The following QKI variants were observed in gnomAD, a reference collection of about 807,000 sequenced individuals.
QKI encodes the protein KH domain-containing RNA-binding protein QKI.
Under a neutral mutation model 39.0 loss-of-function variants are expected in QKI, and 10 were observed. That is an observed-to-expected ratio of 0.26 (90% CI 0.16 to 0.43). QKI has a LOEUF of 0.43. Among genes scored for constraint, QKI ranks in the 20% least tolerant of loss-of-function variants. The pLI is 1.00. For missense variants in QKI, 218 were observed against 428.0 expected (o/e 0.51, Z 4.33); for synonymous variants, 204 against 155.4 (o/e 1.31, Z -2.33).
intron 4 of QKI, among the ~76,000 whole-genome samples, chr6:163,553,522 A>G (rs57318320): frequency 0.02 from 3,077 of 152,034 alleles, 104 homozygotes; most frequent in African/African-American, 0.07. Flanking sequence ...TAAAATAACA[A>G]TCAACTTTGG....
intron 3 of QKI, among the ~76,000 whole-genome samples, chr6:163,480,980 G>A (rs140569877): frequency 4.5e-4 from 69 of 152,232 alleles, no homozygotes; most frequent in African/African-American, 1.6e-3. Context: ...ACTGTTTCAA[G>A]CCCTCACAGA....
intron 6 of QKI, chr6:163,564,006 A>AT (rs1176076818): frequency 1.6e-6 from 2 of 1,230,428 alleles, no homozygotes; most frequent in African/African-American, 3.1e-5. Context: ...TACTGAGGTC[A>AT]TTCTGAGTTT....
At chr6:163,551,875 A>G (rs1782253823) in intron 4 of QKI, among the ~76,000 whole-genome samples, 1 of 152,244 alleles carries the variant, frequency 6.6e-6, no homozygotes, top group Non-Finnish European at 1.5e-5. Flanking sequence ...TAATACTCAC[A>G]GTTAACTCCC....
intron 3 of QKI, among the ~76,000 whole-genome samples, chr6:163,517,017 A>G (rs1022677253): frequency 3.3e-5 from 5 of 151,760 alleles, no homozygotes; most frequent in Admixed American, 3.3e-4. Context: ...ACAAGTTTCA[A>G]CCAGAGAAGC....
chr6:163,415,421 G>T, intron 1 of QKI, 86 bp downstream of exon 1: 2 of 1,393,056 alleles, frequency 1.4e-6, no homozygotes, highest in East Asian at 2.6e-5. Context: ...AGGGCGGGAA[G>T]GTCACGGCCG....
intron 3 of QKI, among the ~76,000 whole-genome samples, chr6:163,483,540 A>G (rs2128226649): frequency 6.6e-6 from 1 of 152,324 alleles, no homozygotes; most frequent in South Asian, 2.1e-4. Flanking sequence ...CACTACAAAT[A>G]CATTTCATCT....
At chr6:163,420,162 T>G (rs1014746657) in intron 1 of QKI, among the ~76,000 whole-genome samples, 1 of 150,556 alleles carries the variant, frequency 6.6e-6, no homozygotes, top group Non-Finnish European at 1.5e-5. Context: ...TTCTTTTTTT[T>G]TTTTTTTTTT....
At chr6:163,560,985 AG>A (rs1443856745) in intron 4 of QKI, among the ~76,000 whole-genome samples, 4 of 152,228 alleles carry the variant, frequency 2.6e-5, no homozygotes, top group African/African-American at 9.6e-5. Context: ...GGTTATTATT[AG>A]TGCCCATTTT....
chr6:163,428,891 A>G (rs1406614520), intron 1 of QKI: 1 of 152,206 alleles, frequency 6.6e-6, no homozygotes, highest in Non-Finnish European at 1.5e-5. Flanking sequence ...CCACCTTTGT[A>G]ACTGATAATA....
intron 1 of QKI, among the ~76,000 whole-genome samples, chr6:163,440,816 T>C (rs1388717271): frequency 2.0e-5 from 3 of 152,106 alleles, no homozygotes; most frequent in Admixed American, 6.5e-5. Flanking sequence ...GTAAAATACA[T>C]AGTTGTTGAA....
intron 2 of QKI, among the ~76,000 whole-genome samples, chr6:163,474,807 A>T (rs866589986): frequency 1.5e-4 from 22 of 149,152 alleles, no homozygotes; most frequent in African/African-American, 4.7e-4. Context: ...AAAAAAAAAA[A>T]GCCAGGCATG....
At chr6:163,466,498 A>T (rs1157690576) in intron 2 of QKI, among the ~76,000 whole-genome samples, 2 of 152,222 alleles carry the variant, frequency 1.3e-5, no homozygotes, top group African/African-American at 4.8e-5. Context: ...AATTATATTA[A>T]AACAATTTGC....
chr6:163,435,197 G>T (rs1789162249), intron 1 of QKI, among the ~76,000 whole-genome samples: 1 of 152,206 alleles, frequency 6.6e-6, no homozygotes, highest in Non-Finnish European at 1.5e-5. Flanking sequence ...TTACGCAATT[G>T]TTACAGGTTT....
chr6:163,550,320 C>T (rs1394455776), intron 4 of QKI, among the ~76,000 whole-genome samples: 1 of 152,116 alleles, frequency 6.6e-6, no homozygotes, highest in African/African-American at 2.4e-5. Flanking sequence ...CAGTTCTCTT[C>T]CTGTAATAAT....
chr6:163,485,974 T>G (rs966814552), intron 3 of QKI, among the ~76,000 whole-genome samples: 3 of 152,204 alleles, frequency 2.0e-5, no homozygotes, highest in Admixed American at 2.0e-4. Flanking sequence ...TAAGAAAGTT[T>G]ATGAATTTGT....
intron 1 of QKI, among the ~76,000 whole-genome samples, chr6:163,417,111 G>C (rs1390962443): frequency 6.6e-6 from 1 of 152,122 alleles, no homozygotes; most frequent in African/African-American, 2.4e-5. Context: ...TTTATATAGT[G>C]TTTTCGAACA....
intron 4 of QKI, among the ~76,000 whole-genome samples, chr6:163,536,159 G>A (rs1262142643): frequency 6.6e-6 from 1 of 151,180 alleles, no homozygotes; most frequent in African/African-American, 2.4e-5. Context: ...AAATTCTGTT[G>A]GTAGATTTTA....
intron 3 of QKI, among the ~76,000 whole-genome samples, chr6:163,492,215 T>A (rs959119015): frequency 5.3e-5 from 8 of 152,226 alleles, no homozygotes; most frequent in Non-Finnish European, 8.8e-5. Context: ...CAACAAATTA[T>A]TAGGCCGTTT....
At chr6:163,424,813 T>C (rs537789523) in intron 1 of QKI, among the ~76,000 whole-genome samples, 1 of 152,008 alleles carries the variant, frequency 6.6e-6, no homozygotes, top group South Asian at 2.1e-4. Context: ...TGTATTTTAG[T>C]AGAGACAGGG....
Sources: allele counts gnomAD v4.1 joint callset (sites outside exome capture counted in the v4.1 genomes callset), GRCh38; gene constraint gnomAD v4.1.1; transcripts MANE v1.5; gene names NCBI Gene and HGNC (gene_info 2026-07-23, HGNC 2026-07-21).